Variants in CSRNP2 observed in about 807,000 individuals in gnomAD.
CSRNP2 encodes the protein cysteine and serine rich nuclear protein 2.
CSRNP2 carries 11 observed loss-of-function variants against 36.6 expected under a neutral mutation model. The observed-to-expected ratio is 0.30, with a 90% CI of 0.19 to 0.50. The LOEUF is 0.50. CSRNP2 is among the 20% of genes least tolerant of loss of function. The pLI is 0.98. For synonymous variants in CSRNP2, 248 were observed against 275.3 expected, an observed-to-expected ratio of 0.90 and a Z score of 0.98; for missense variants, 483 against 691.4, an observed-to-expected ratio of 0.70 and a Z score of 3.38.
At position 51,064,486 on chromosome 12, in the gene CSRNP2, C is replaced by T; in HGVS notation, c.892G>A (p.Ala298Thr). 6.2e-7 allele frequency: 1 copy of T among 1,609,450 alleles called. No individual in the cohort carries two copies. Among genetic ancestry groups the T allele is most frequent in the Admixed American group, 1.7e-5 (1 of 59,272 alleles). ...TGTGCTCCTGTCAGGCTGCAACTGG[C>T]AGTCGGGGAGGGCTCCTCATCTGGG... The part of the protein sequence containing the change: ...AAPDEEPSPT[A>T]SCSLTGAQGS... Residue 298 changes from alanine (A) to threonine (T), a missense_variant, in exon 5 of 5, where the codon GCC becomes ACC. Ala to Thr is a moderately conservative substitution (Grantham distance 58). Transcript: ENST00000228515.
At position 51,064,466 on chromosome 12, in the gene CSRNP2, T is replaced by G. The variant is rs137859130; in HGVS notation, c.912A>C (p.Gly304=). 1.9e-5 allele frequency: 30 copies of G among 1,609,590 alleles called. No homozygotes were observed. The highest frequency in any genetic ancestry group is 4.0e-5 in the African/African-American group (3 of 74,802). ...PSPTASCSLT[G]AQGSETQDFQ... ...AGTCCTGGGTCTCAGAGCCCTGTGC[T>G]CCTGTCAGGCTGCAACTGGCAGTCG... The change falls in exon 5 of 5, where the codon GGA becomes GGC. Residue 304 remains glycine, a synonymous_variant. Transcript: ENST00000228515.
chr12:51,073,810 A>C lies in CSRNP2; in HGVS notation c.411+13T>G. 6.2e-7 allele frequency: 1 copy of C among 1,611,486 alleles called. No homozygotes were observed. Among genetic ancestry groups the C allele is most frequent in the African/African-American group, 1.3e-5 (1 of 74,770 alleles). On this transcript the variant is annotated intron_variant, in intron 3 of 4. Transcript: ENST00000228515. ...CTACATGGACAGCAGTAGATCCCAG[A>C]ACACTTAGGCACCTTCATTTTCTTG...
In CSRNP2 at chr12:51,061,534, A is replaced by T. The variant is rs776014460; in HGVS notation, c.*2212T>A. ...AAGTGAGATGGACTAGGTTGTAGAG[A>T]AGGCCTTTCGCTTGACAAGACAGTT... On this transcript the variant is annotated 3_prime_UTR_variant, in exon 5 of 5. Coordinates refer to ENST00000228515, the MANE Select transcript of CSRNP2 (RefSeq NM_030809.3). The T allele has an allele frequency of 8.5e-5, 13 of 152,650 alleles. No homozygotes were observed. Among genetic ancestry groups the T allele is most frequent in the Admixed American group, 2.6e-4 (4 of 15,274 alleles). The allele number at this position is 152,650 out of a possible 1,614,324, so 9.5% of individuals were successfully genotyped here.
chr12:51,066,437 G>A (rs1257958738), intron 4 of CSRNP2, among the ~76,000 whole-genome samples: 4 of 136,812 alleles, frequency 2.9e-5, no homozygotes, highest in Non-Finnish European at 6.2e-5. Context: ...CCTGGCAACA[G>A]AGCAAGACTC....
In CSRNP2 at chr12:51,080,947, G is replaced by A. The variant is rs1013513860; in HGVS notation, c.-87+2392C>T. Among the ~76,000 whole-genome samples, 5 of 152,276 alleles carry A rather than the reference G, an allele frequency of 3.3e-5. No individual in the cohort carries two copies. In the East Asian group the frequency reaches 9.6e-4, roughly 29 times the overall value. The stretch of plus-strand genomic sequence containing the variant: ...AGGCAGGAGAATTGCTTGAGGCCAG[G>A]AGTGCAAAACCAACTTGGCCAACAT... On this transcript the variant is annotated intron_variant, in intron 1 of 4. Transcript: ENST00000228515.
chr12:51,063,978 G>T lies in CSRNP2; in HGVS notation c.1400C>A (p.Pro467Gln). Residue 467 changes from proline (P) to glutamine (Q), a missense_variant, in exon 5 of 5, where the codon CCA (proline) becomes CAA (glutamine). This residue lies in a region of CSRNP2 where 277 missense variants were observed against 323.6 expected (regional missense o/e 0.86). Transcript: ENST00000228515. ...TSLVACSSTD[P>Q]AALCKSEVGK... ...CACCTCTGATTTACAGAGGGCAGCT[G>T]GGTCTGTGGAGCTACAAGCCACGAG... 6.2e-7 allele frequency: 1 copy of T among 1,613,718 alleles called. No homozygotes were observed. The highest frequency in any genetic ancestry group is 8.5e-7 in the Non-Finnish European group (1 of 1,179,626).
intron 2 of CSRNP2, 143 bp downstream of exon 2, chr12:51,076,268 G>T: frequency 1.2e-6 from 1 of 839,812 alleles, no homozygotes; most frequent in Non-Finnish European, 1.8e-6. Flanking sequence ...TCTACGGTAT[G>T]AGAGAAATGA....
chr12:51,066,025 A>ATGAT (rs961524594), intron 4 of CSRNP2, among the ~76,000 whole-genome samples: 2 of 152,180 alleles, frequency 1.3e-5, no homozygotes, highest in Non-Finnish European at 2.9e-5. Flanking sequence ...CCCCCATCAG[A>ATGAT]GGGCCAACAA....
At position 51,067,907 on chromosome 12, in the gene CSRNP2, T is replaced by G; in HGVS notation, c.474A>C (p.Ser158=). The change falls in exon 4 of 5, where the codon TCA becomes TCC. Residue 158 remains serine (S), a synonymous_variant. Coordinates refer to ENST00000228515, the MANE Select transcript of CSRNP2 (RefSeq NM_030809.3). The surrounding 1 kb of genome is among the most constrained non-coding windows in gnomAD (Gnocchi z 4.1). ...CATTTTCCACATCAATATCTTCATCTGACACATCATCCAGCGTCAGGCCAT... is the reference window on the plus strand; with the variant it reads ...CATTTTCCACATCAATATCTTCATCGGACACATCATCCAGCGTCAGGCCAT... ...EADGLTLDDV[S]DEDIDVENVE... 1 of 1,614,188 alleles carries G rather than the reference T, an allele frequency of 6.2e-7. No individual in the cohort carries two copies. Among genetic ancestry groups the G allele is most frequent in the Non-Finnish European group, 8.5e-7 (1 of 1,180,040 alleles).
chr12:51,079,769 C>CAAAAAA (rs35767986), intron 1 of CSRNP2, among the ~76,000 whole-genome samples: 4 of 35,024 alleles, frequency 1.1e-4, no homozygotes, highest in East Asian at 1.1e-3. Context: ...GAGACCTTGT[C>CAAAAAA]AAAAAAAAAA....
At chr12:51,068,149 A>G (rs926158257) in intron 3 of CSRNP2, among the ~76,000 whole-genome samples, 180 bp from the exon 4 acceptor site, 1 of 152,188 alleles carries the variant, frequency 6.6e-6, no homozygotes, top group African/African-American at 2.4e-5. Flanking sequence ...CAGCAATTGG[A>G]AAACTGTCAT....
chr12:51,072,557 C>T (rs574335686), intron 3 of CSRNP2, among the ~76,000 whole-genome samples: 18 of 80,244 alleles, frequency 2.2e-4, no homozygotes, highest in East Asian at 9.2e-4. Flanking sequence ...AGCTAGGCTC[C>T]GTCTCAAAAA....
At position 51,067,633 on chromosome 12, in the gene CSRNP2, C is replaced by T; in HGVS notation, c.708+40G>A. ...GGCACCCACACCTCACCCCGCTGAC[C>T]CTGGTGTAGATATACTATCTCAGGC... On this transcript the variant is annotated intron_variant, in intron 4 of 4. Coordinates refer to ENST00000228515, the MANE Select transcript of CSRNP2 (RefSeq NM_030809.3). This position sits in a 1 kb window ranked among gnomAD's most constrained non-coding sequence, Gnocchi z 4.1. The T allele has an allele frequency of 1.3e-6, 2 of 1,589,178 alleles. No individual in the cohort carries two copies. The highest frequency in any genetic ancestry group is 1.7e-6 in the Non-Finnish European group (2 of 1,164,410).
Position 51,064,676 on chromosome 12 carries a change from G to A in CSRNP2, c.709-7C>T, listed in dbSNP as rs4768957. 0.04 allele frequency: 59,562 copies of A among 1,506,764 alleles called. 2,787 individuals carry two copies. The highest frequency in any genetic ancestry group is 0.21 in the Admixed American group (9,420 of 44,806). The allele number at this position is 1,506,764 out of a possible 1,614,324, so 93.3% of individuals were successfully genotyped here. A position where few individuals can be genotyped will look rare whatever the true frequency, so the allele number is the denominator to read the frequency against. Reference sequence around the variant, plus strand: ...GAAAGGACATGCGATCCACCTGAGCGGGGACAAGAAGGTTGGGGCAAGATG... The same window carrying A: ...GAAAGGACATGCGATCCACCTGAGCAGGGACAAGAAGGTTGGGGCAAGATG... On this transcript the variant is annotated splice_polypyrimidine_tract_variant and splice_region_variant and intron_variant, in intron 4 of 4. Transcript: ENST00000228515.
At position 51,062,144 on chromosome 12, in the gene CSRNP2, G is replaced by A. The variant is rs1205101436; in HGVS notation, c.*1602C>T. On this transcript the variant is annotated 3_prime_UTR_variant, in exon 5 of 5. Coordinates refer to ENST00000228515, the MANE Select transcript of CSRNP2 (RefSeq NM_030809.3). ...AATCTTTTCAGGCTCAGAGTTTAGAGACTTCAGGGGTGAAATGCTGCTGCG... is the reference window on the plus strand; with the variant it reads ...AATCTTTTCAGGCTCAGAGTTTAGAAACTTCAGGGGTGAAATGCTGCTGCG... 1 of 152,192 alleles carries A rather than the reference G, an allele frequency of 6.6e-6. No homozygotes were observed. Among genetic ancestry groups the A allele is most frequent in the Non-Finnish European group, 1.5e-5 (1 of 68,046 alleles). 9.4% of individuals were successfully genotyped at this position (152,192 alleles called of 1,614,324 possible).
chr12:51,063,604 A>G lies in CSRNP2; in HGVS notation c.*142T>C. On this transcript the variant is annotated 3_prime_UTR_variant, in exon 5 of 5. Coordinates refer to ENST00000228515, the MANE Select transcript of CSRNP2 (RefSeq NM_030809.3). ...TTCCCTTTTAAAAAATACTCAAACAATCCTTTCCCACCCATTCCCCAAAGA... is the reference window on the plus strand; with the variant it reads ...TTCCCTTTTAAAAAATACTCAAACAGTCCTTTCCCACCCATTCCCCAAAGA... The G allele has an allele frequency of 1.5e-6, 1 of 652,062 alleles. No homozygotes were observed. Among genetic ancestry groups the G allele is most frequent in the Non-Finnish European group, 2.5e-6 (1 of 403,752 alleles). 40.4% of individuals were successfully genotyped at this position (652,062 alleles called of 1,614,324 possible).
rs1426552248 is a variant in CSRNP2, at chr12:51,064,178, G to A, written c.1200C>T (p.His400=). Residue 400 remains histidine, a synonymous_variant, in exon 5 of 5, where the codon CAC becomes CAT. Coordinates refer to ENST00000228515, the MANE Select transcript of CSRNP2 (RefSeq NM_030809.3). The part of the protein sequence containing the change: ...SVLCFTENSD[H]PTASTVNSPS... The stretch of plus-strand genomic sequence containing the variant: ...GGCTGTTCACCGTTGAGGCAGTTGG[G>A]TGGTCTGAGTTCTCGGTAAAACACA... The A allele has an allele frequency of 6.2e-7, 1 of 1,614,204 alleles. No individual in the cohort carries two copies.
At chr12:51,068,006 G>A (rs765063628) in intron 3 of CSRNP2, 37 bp from the exon 4 acceptor site, 2 of 1,591,352 alleles carry the variant, frequency 1.3e-6, no homozygotes, top group Non-Finnish European at 8.6e-7. Flanking sequence ...TCATAGACAT[G>A]AGCGGCATGC....
chr12:51,073,194 G>A (rs1939257123), intron 3 of CSRNP2, among the ~76,000 whole-genome samples: 1 of 151,950 alleles, frequency 6.6e-6, no homozygotes, highest in African/African-American at 2.4e-5. Context: ...ACTCCAGCCT[G>A]GGTGACAGAG....
Sources: allele counts gnomAD v4.1 joint callset (sites outside exome capture counted in the v4.1 genomes callset), GRCh38; gene constraint gnomAD v4.1.1; regional missense constraint gnomAD v4.1.1; non-coding constraint Gnocchi (gnomAD v3.1); transcripts MANE v1.5; gene names NCBI Gene and HGNC (gene_info 2026-07-23, HGNC 2026-07-21).